Variants in RALGDS observed in about 807,000 individuals in gnomAD.
RALGDS encodes ral guanine nucleotide exchange factor.
Under a neutral mutation model 99.8 loss-of-function variants are expected in RALGDS, and 44 were observed. The ratio of observed to expected loss-of-function variants is 0.44; its 90% CI spans 0.35 to 0.57. The LOEUF is 0.57. RALGDS is among the 20% of genes least tolerant of loss of function. RALGDS has a pLI of 0.01. For missense variants in RALGDS, 1,022 were observed against 1,203.1 expected (o/e 0.85, Z 2.23); for synonymous variants, 529 against 505.0 (o/e 1.05, Z -0.64).
Position 133,098,266 on chromosome 9 carries a change from G to T in RALGDS, c.*321C>A. The T allele has an allele frequency of 2.2e-6, 1 of 448,848 alleles. No individual in the cohort carries two copies. The highest frequency in any genetic ancestry group is 2.2e-5 in the South Asian group (1 of 45,794). 27.8% of individuals were successfully genotyped at this position (448,848 alleles called of 1,614,324 possible). ...GTGGCAGTGACCCACACCTGGGAAG[G>T]TGTCAGGGAAGTGTACAGAGGTGGC... On this transcript the variant is annotated 3_prime_UTR_variant, in exon 18 of 18. Transcript: ENST00000372050.
chr9:133,101,209 G>A (rs538721864), intron 16 of RALGDS: 399 of 1,241,914 alleles, frequency 3.2e-4, no homozygotes, highest in Non-Finnish European at 3.8e-4. Flanking sequence ...CTTCCTCCCC[G>A]AGAAAGTCGA....
At chr9:133,107,053 A>C (rs1831100143) in intron 7 of RALGDS, 32 bp downstream of exon 7, 1 of 1,609,662 alleles carries the variant, frequency 6.2e-7, no homozygotes, top group South Asian at 1.1e-5. Flanking sequence ...GATGAAGCCA[A>C]AGTGGGGGCC....
intron 4 of RALGDS, 33 bp downstream of exon 4, chr9:133,109,593 G>C (rs1332219622): frequency 6.4e-7 from 1 of 1,568,942 alleles, no homozygotes; most frequent in Non-Finnish European, 8.8e-7. Context: ...GGTGGGGACA[G>C]GGTCCCTTCC....
chr9:133,118,608 T>G (rs1831741751), intron 1 of RALGDS, among the ~76,000 whole-genome samples: 1 of 152,242 alleles, frequency 6.6e-6, no homozygotes. Context: ...GCTGTTATCT[T>G]AAACCTGTGG....
At chr9:133,122,616 G>C (rs1176078296), upstream of RALGDS, among the ~76,000 whole-genome samples, 1 of 152,234 alleles carries the variant, frequency 6.6e-6, no homozygotes, top group East Asian at 1.9e-4. Context: ...AATTATGGTG[G>C]TAAGTTGCAG....
chr9:133,118,865 C>T (rs1026558846), intron 1 of RALGDS, among the ~76,000 whole-genome samples: 1 of 152,158 alleles, frequency 6.6e-6, no homozygotes, highest in African/African-American at 2.4e-5. Flanking sequence ...TCAGAGACTT[C>T]CCTTCTCTGA....
intron 1 of RALGDS, 103 bp downstream of exon 1, chr9:133,120,869 G>A: frequency 8.0e-7 from 1 of 1,254,458 alleles, no homozygotes; most frequent in Non-Finnish European, 1.0e-6. Flanking sequence ...GCGGCCCGCT[G>A]GGATCGCCCG....
Position 133,121,027 on chromosome 9 carries a change from C to A in RALGDS, c.128G>T (p.Cys43Phe), listed in dbSNP as rs1831909121. ...VRLEVGVPDS[C>F]PVVLHSFTQL... is the part of the protein sequence containing the mutation. ...CGTGAAGCTGTGCAGCACCACCGGGCAGCTGTCGGGGACGCCCACCTCCAG... is the reference window on the plus strand; with the variant it reads ...CGTGAAGCTGTGCAGCACCACCGGGAAGCTGTCGGGGACGCCCACCTCCAG... The change falls in exon 1 of 18, where the codon TGC (cysteine) becomes TTC (phenylalanine). Residue 43 changes from cysteine (C) to phenylalanine (F), a missense_variant. Transcript: ENST00000372050. The A allele has an allele frequency of 1.3e-6, 2 of 1,496,418 alleles. No individual in the cohort carries two copies. Among genetic ancestry groups the A allele is most frequent in the South Asian group, 1.2e-5 (1 of 80,164 alleles). The allele number at this position is 1,496,418 out of a possible 1,614,324, so 92.7% of individuals were successfully genotyped here.
chr9:133,141,322 C>G (rs1406319670), intron 1 of RALGDS, among the ~76,000 whole-genome samples: 1 of 152,206 alleles, frequency 6.6e-6, no homozygotes, highest in Non-Finnish European at 1.5e-5. Context: ...CCCACCCTCT[C>G]CCAGGGTCTG....
Position 133,098,421 on chromosome 9 carries a change from C to T in RALGDS, c.*166G>A, listed in dbSNP as rs1240660009. 1.4e-6 allele frequency: 1 copy of T among 738,424 alleles called. No individual in the cohort carries two copies. Among genetic ancestry groups the T allele is most frequent in the Non-Finnish European group, 2.3e-6 (1 of 441,986 alleles). The allele number at this position is 738,424 out of a possible 1,614,324, so 45.7% of individuals were successfully genotyped here. On this transcript the variant is annotated 3_prime_UTR_variant, in exon 18 of 18. Coordinates refer to ENST00000372050, the MANE Select transcript of RALGDS (RefSeq NM_006266.4). ...AGTGGTCCACGGGAGGCCAGGTCAG[C>T]CTGACCAATGGCAGGCGTCAATCCC...
At chr9:133,131,777 G>C (rs976812021), upstream of RALGDS, among the ~76,000 whole-genome samples, 3 of 152,230 alleles carry the variant, frequency 2.0e-5, no homozygotes, top group African/African-American at 4.8e-5. Flanking sequence ...GCCCAGGACT[G>C]AAATTCTGAT....
chr9:133,109,738 G>A lies in RALGDS; in HGVS notation c.489-17C>T. ...CTACCGTACCTGCTTATGACGTCTAGTGTTACTGTCTGACTCTCCGACTAG... is the reference window on the plus strand; with the variant it reads ...CTACCGTACCTGCTTATGACGTCTAATGTTACTGTCTGACTCTCCGACTAG... On this transcript the variant is annotated splice_polypyrimidine_tract_variant and intron_variant, in intron 3 of 17. Coordinates refer to ENST00000372050, the MANE Select transcript of RALGDS (RefSeq NM_006266.4). 1 of 1,603,852 alleles carries A rather than the reference G, an allele frequency of 6.2e-7. No individual in the cohort carries two copies. Among genetic ancestry groups the A allele is most frequent in the Non-Finnish European group, 8.5e-7 (1 of 1,170,832 alleles).
At position 133,098,264 on chromosome 9, in the gene RALGDS, A is replaced by C; in HGVS notation, c.*323T>G. On this transcript the variant is annotated 3_prime_UTR_variant, in exon 18 of 18. Transcript: ENST00000372050. The stretch of plus-strand genomic sequence containing the variant: ...AGGTGGCAGTGACCCACACCTGGGA[A>C]GGTGTCAGGGAAGTGTACAGAGGTG... 9.1e-6 allele frequency: 4 copies of C among 441,284 alleles called. No homozygotes were observed. Among genetic ancestry groups the C allele is most frequent in the Non-Finnish European group, 1.7e-5 (4 of 236,426 alleles). 27.3% of individuals were successfully genotyped at this position (441,284 alleles called of 1,614,324 possible).
intron 5 of RALGDS, 48 bp downstream of exon 5, chr9:133,108,625 C>G: frequency 6.2e-7 from 1 of 1,605,248 alleles, no homozygotes. Context: ...TGGCCCAGCA[C>G]CGACCCCTCC....
intron 1 of RALGDS, among the ~76,000 whole-genome samples, chr9:133,141,342 C>T (rs533134033): frequency 6.6e-6 from 1 of 152,342 alleles, no homozygotes; most frequent in South Asian, 2.1e-4. Flanking sequence ...GGGGCTCCAC[C>T]TCGCTCCTTC....
At position 133,107,407 on chromosome 9, in the gene RALGDS, C is replaced by T. The variant is rs1831120067; in HGVS notation, c.1198-107G>A. On this transcript the variant is annotated intron_variant, in intron 6 of 17. Coordinates refer to ENST00000372050, the MANE Select transcript of RALGDS (RefSeq NM_006266.4). ...CTTGTGGGGATCTCTGGGTTTTATC[C>T]CGTGTCCATGCAGGGTGCCCAGCAC... is the stretch of plus-strand genomic sequence containing the variant. 2.9e-6 allele frequency: 3 copies of T among 1,037,728 alleles called. No individual in the cohort carries two copies. The Admixed American group carries it at 5.9e-5, about 21-fold the overall frequency. The allele number at this position is 1,037,728 out of a possible 1,614,324, so 64.3% of individuals were successfully genotyped here.
At position 133,101,612 on chromosome 9, in the gene RALGDS, C is replaced by T. The variant is rs768595031; in HGVS notation, c.2362G>A (p.Ala788Thr). 9.3e-6 allele frequency: 15 copies of T among 1,613,126 alleles called. No individual in the cohort carries two copies. The highest frequency in any genetic ancestry group is 2.7e-5 in the African/African-American group (2 of 74,928). The change falls in exon 16 of 18, where the codon GCG becomes ACG. Residue 788 changes from alanine (A) to threonine (T), a missense_variant. Coordinates refer to ENST00000372050, the MANE Select transcript of RALGDS (RefSeq NM_006266.4). ...SVSGLCNSSS[A>T]LPLYNQQVGD... The stretch of plus-strand genomic sequence containing the variant: ...ACCTGCTGGTTGTAGAGCGGCAGCG[C>T]GGAGCTGGAGTTGCAGAGCCCTGAG...
At chr9:133,132,472 G>A (rs1301158110), upstream of RALGDS, among the ~76,000 whole-genome samples, 3 of 152,124 alleles carry the variant, frequency 2.0e-5, no homozygotes, top group African/African-American at 4.8e-5. Flanking sequence ...TTGAGGGGGT[G>A]GGGAGGGCTT....
chr9:133,107,695 T>C (rs1384689118), intron 6 of RALGDS, among the ~76,000 whole-genome samples: 1 of 152,228 alleles, frequency 6.6e-6, no homozygotes, highest in Non-Finnish European at 1.5e-5. Context: ...GGGTGACCCA[T>C]GGATGCACCT....
Sources: gnomAD v4.1 joint callset for allele counts (sites outside exome capture counted in the v4.1 genomes callset) on GRCh38, gnomAD v4.1.1 for gene constraint, MANE v1.5 for transcripts, NCBI Gene and HGNC (gene_info 2026-07-23, HGNC 2026-07-21) for gene names.